The following EXOC6B variants were observed in gnomAD, a reference collection of about 807,000 sequenced individuals.
EXOC6B encodes exocyst complex component 6B, also known as SEC15 homolog B.
Under a neutral mutation model 113.5 loss-of-function variants are expected in EXOC6B, and 54 were observed. The observed-to-expected ratio is 0.48, with a 90% CI of 0.38 to 0.60. The LOEUF is 0.60. EXOC6B is among the 20% of genes least tolerant of loss of function. The pLI is 0.00. For synonymous variants in EXOC6B, 357 were observed against 339.0 expected (o/e 1.05, Z -0.58); for missense variants, 797 against 977.5 (o/e 0.82, Z 2.46).
intron 20 of EXOC6B, among the ~76,000 whole-genome samples, chr2:72,260,562 C>A (rs970065587): frequency 6.6e-6 from 1 of 152,132 alleles, no homozygotes; most frequent in Non-Finnish European, 1.5e-5. Flanking sequence ...ATTTCAAACA[C>A]CCTGAAAGTG....
At chr2:72,809,021 C>T (rs1448855964) in intron 1 of EXOC6B, among the ~76,000 whole-genome samples, 2 of 152,096 alleles carry the variant, frequency 1.3e-5, no homozygotes, top group Non-Finnish European at 2.9e-5. Flanking sequence ...GCCATGAATA[C>T]ACCACTTGCA....
At chr2:72,664,080 G>A (rs1253200891) in intron 6 of EXOC6B, among the ~76,000 whole-genome samples, 3 of 152,096 alleles carry the variant, frequency 2.0e-5, no homozygotes, top group Non-Finnish European at 2.9e-5. Flanking sequence ...AGACGAGGCA[G>A]GAAGATGGTT....
chr2:72,380,883 A>G (rs370621394), intron 18 of EXOC6B, among the ~76,000 whole-genome samples: 20 of 152,202 alleles, frequency 1.3e-4, no homozygotes, highest in African/African-American at 4.8e-4. Context: ...AATCTGTTTC[A>G]AAATACAGGA....
At chr2:72,434,014 C>T (rs59176504) in intron 18 of EXOC6B, among the ~76,000 whole-genome samples, 33,650 of 152,038 alleles carry the variant, frequency 0.22, 6,087 homozygotes, top group African/African-American at 0.5. Context: ...CGCTTTTGCC[C>T]GTTTGGTATG....
At chr2:72,762,427 G>A (rs1682797366) in intron 1 of EXOC6B, among the ~76,000 whole-genome samples, 1 of 151,544 alleles carries the variant, frequency 6.6e-6, no homozygotes, top group Non-Finnish European at 1.5e-5. Context: ...AACCTTAAAA[G>A]CAAAAGCAGA....
chr2:72,356,985 G>C (rs2104965728), intron 19 of EXOC6B, among the ~76,000 whole-genome samples: 1 of 152,160 alleles, frequency 6.6e-6, no homozygotes, highest in Admixed American at 6.5e-5. Flanking sequence ...TGAATACACT[G>C]GACAAAAGGA....
intron 7 of EXOC6B, among the ~76,000 whole-genome samples, chr2:72,559,894 A>ACT (rs1163558591): frequency 1.3e-5 from 2 of 152,240 alleles, no homozygotes; most frequent in Admixed American, 6.5e-5. Context: ...AAAAGACATG[A>ACT]TAGTGTACAT....
chr2:72,183,070 C>T (rs1678194971), intron 21 of EXOC6B, among the ~76,000 whole-genome samples: 1 of 152,244 alleles, frequency 6.6e-6, no homozygotes, highest in African/African-American at 2.4e-5. Context: ...ATCTCTTCCC[C>T]TTTTCTCCCC....
In EXOC6B at chr2:72,176,048, G is replaced by A. The variant is rs574923203; in HGVS notation, c.*3287C>T. ...GCAGTTAAAAGAGGAAAATGTACAAGAGGAATAAACATGCTCTTTTCACAG... is the reference window on the plus strand; with the variant it reads ...GCAGTTAAAAGAGGAAAATGTACAAAAGGAATAAACATGCTCTTTTCACAG... On this transcript the variant is annotated 3_prime_UTR_variant, in exon 22 of 22. Transcript: ENST00000272427. 6.6e-6 allele frequency: 1 copy of A among 152,322 alleles called. No homozygotes were observed. The highest frequency in any genetic ancestry group is 2.4e-5 in the African/African-American group (1 of 41,572). The allele number at this position is 152,322 out of a possible 1,614,324, so 9.4% of individuals were successfully genotyped here. A position where few individuals can be genotyped will look rare whatever the true frequency, so the allele number is the denominator to read the frequency against.
chr2:72,594,157 A>T (rs1013216148), intron 6 of EXOC6B, among the ~76,000 whole-genome samples: 6 of 151,928 alleles, frequency 3.9e-5, no homozygotes, highest in African/African-American at 1.5e-4. Context: ...ATTTTTTTAA[A>T]TTTTTTACAG....
chr2:72,822,843 G>C (rs966288802), intron 1 of EXOC6B, among the ~76,000 whole-genome samples: 1 of 152,090 alleles, frequency 6.6e-6, no homozygotes, highest in Admixed American at 6.5e-5. Flanking sequence ...AGAAAAGTTC[G>C]AGGTTTACAA....
chr2:72,308,381 C>T (rs973821635), intron 20 of EXOC6B, among the ~76,000 whole-genome samples: 1 of 151,928 alleles, frequency 6.6e-6, no homozygotes, highest in Non-Finnish European at 1.5e-5. Context: ...AAAACCTAAA[C>T]CAAGAGACCT....
chr2:72,672,496 G>A (rs1484054570), intron 6 of EXOC6B, among the ~76,000 whole-genome samples: 4 of 144,336 alleles, frequency 2.8e-5, no homozygotes, highest in South Asian at 2.2e-4. Flanking sequence ...GCAGTGAGTC[G>A]AGATCGCGCC....
intron 16 of EXOC6B, among the ~76,000 whole-genome samples, chr2:72,490,399 A>C (rs1432427349): frequency 6.6e-6 from 1 of 152,150 alleles, no homozygotes; most frequent in African/African-American, 2.4e-5. Context: ...GCTTTGAAGA[A>C]TATAAACTGC....
intron 17 of EXOC6B, among the ~76,000 whole-genome samples, chr2:72,477,184 C>T (rs185878063): frequency 5.3e-5 from 8 of 152,266 alleles, no homozygotes; most frequent in Admixed American, 3.9e-4. Flanking sequence ...TGATTTTGTC[C>T]TGCCAATTTA....
chr2:72,587,165 G>A (rs1215167013), intron 6 of EXOC6B, among the ~76,000 whole-genome samples: 2 of 151,986 alleles, frequency 1.3e-5, no homozygotes, highest in South Asian at 2.1e-4. Flanking sequence ...ATCAACCTAG[G>A]TGCCCATCAA....
At chr2:72,238,539 A>G (rs1323064722) in intron 20 of EXOC6B, among the ~76,000 whole-genome samples, 6 of 152,132 alleles carry the variant, frequency 3.9e-5, no homozygotes, top group African/African-American at 4.8e-5. Context: ...GAAAGTGTCA[A>G]TTTCTCCACA....
chr2:72,598,864 A>T (rs913974181), intron 6 of EXOC6B, among the ~76,000 whole-genome samples: 2 of 152,098 alleles, frequency 1.3e-5, no homozygotes, highest in African/African-American at 4.8e-5. Context: ...TATGTAATTT[A>T]AATATATCTG....
chr2:72,669,494 T>C (rs1224613108), intron 6 of EXOC6B, among the ~76,000 whole-genome samples: 4 of 152,062 alleles, frequency 2.6e-5, no homozygotes, highest in Non-Finnish European at 4.4e-5. Context: ...AAAATAAACA[T>C]ATCATTACCA....
Sources: allele counts gnomAD v4.1 joint callset (sites outside exome capture counted in the v4.1 genomes callset), GRCh38; gene constraint gnomAD v4.1.1; transcripts MANE v1.5; gene names NCBI Gene and HGNC (gene_info 2026-07-23, HGNC 2026-07-21).